Variants in CCDC88A observed in about 807,000 individuals in gnomAD.
CCDC88A encodes girdin.
CCDC88A carries 54 observed loss-of-function variants against 234.3 expected under a neutral mutation model. That is an observed-to-expected ratio of 0.23 (90% CI 0.19 to 0.29). The LOEUF (loss-of-function observed/expected upper bound fraction) is 0.29, where lower values mean the gene tolerates loss of function less well. Among genes scored for constraint, CCDC88A ranks in the 10% least tolerant of loss-of-function variants. The pLI, the probability that CCDC88A is intolerant of heterozygous loss-of-function variation, is 1.00. For missense variants in CCDC88A, 1,832 were observed against 2,123.4 expected, an observed-to-expected ratio of 0.86 and a Z score of 2.70; for synonymous variants, 753 against 737.8, an observed-to-expected ratio of 1.02 and a Z score of -0.33.
chr2:55,356,677 C>T (rs1347295301), intron 7 of CCDC88A: 1 of 152,112 alleles, frequency 6.6e-6, no homozygotes, highest in Non-Finnish European at 1.5e-5. Context: ...CACCTGTAAT[C>T]CCAGCACTTA....
chr2:55,399,349 AC>A (rs1678197640), intron 2 of CCDC88A, among the ~76,000 whole-genome samples: 1 of 151,862 alleles, frequency 6.6e-6, no homozygotes, highest in South Asian at 2.1e-4. Flanking sequence ...AGATGGTGAA[AC>A]CCCGTCTCTA....
At chr2:55,349,459 A>G in intron 9 of CCDC88A, 59 bp downstream of exon 9, 1 of 1,212,946 alleles carries the variant, frequency 8.2e-7, no homozygotes. Context: ...AATTACAAGG[A>G]AGAAAATCAA....
intron 2 of CCDC88A, among the ~76,000 whole-genome samples, chr2:55,415,728 T>C (rs952114598): frequency 2.0e-5 from 3 of 152,112 alleles, no homozygotes; most frequent in South Asian, 2.1e-4. Context: ...TACCCAAAGA[T>C]AGTGAAAGAA....
chr2:55,355,788 A>C, intron 7 of CCDC88A, 37 bp from the exon 8 acceptor site: 1 of 1,540,042 alleles, frequency 6.5e-7, no homozygotes, highest in Non-Finnish European at 9.0e-7. Flanking sequence ...AGTATTCTAC[A>C]TATTAGCAAA....
intron 13 of CCDC88A, 150 bp from the exon 14 acceptor site, chr2:55,336,968 C>A: frequency 2.0e-6 from 1 of 511,534 alleles, no homozygotes; most frequent in Non-Finnish European, 3.4e-6. Context: ...ATTCAAGTAG[C>A]ATTCCATGCT....
At chr2:55,368,386 A>AT (rs931782792) in intron 5 of CCDC88A, among the ~76,000 whole-genome samples, 2 of 151,786 alleles carry the variant, frequency 1.3e-5, no homozygotes, top group Admixed American at 6.6e-5. Context: ...TAAGAATTTC[A>AT]TTTTTTTTCT....
At chr2:55,341,046 A>T (rs1040096096) in intron 12 of CCDC88A, among the ~76,000 whole-genome samples, 3 of 151,766 alleles carry the variant, frequency 2.0e-5, no homozygotes, top group African/African-American at 7.3e-5. Flanking sequence ...TATAAATGAG[A>T]TCATGCACTA....
chr2:55,375,564 G>C (rs1673544735), intron 3 of CCDC88A, among the ~76,000 whole-genome samples: 1 of 146,914 alleles, frequency 6.8e-6, no homozygotes, highest in African/African-American at 2.5e-5. Flanking sequence ...GTCTCGCTCT[G>C]TCAGCCTGGC....
intron 17 of CCDC88A, among the ~76,000 whole-genome samples, chr2:55,326,626 G>A (rs1249735224): frequency 1.3e-5 from 2 of 152,092 alleles, no homozygotes; most frequent in East Asian, 3.9e-4. Flanking sequence ...GCAGTGGCAG[G>A]ATGTCAGCTC....
chr2:55,303,269 C>T (rs1681110126), intron 25 of CCDC88A, 117 bp from the exon 26 acceptor site: 1 of 694,730 alleles, frequency 1.4e-6, no homozygotes, highest in Admixed American at 2.1e-5. Context: ...TGAGTTTTAG[C>T]TATGTATGCT....
intron 3 of CCDC88A, among the ~76,000 whole-genome samples, chr2:55,377,970 A>G (rs1204851085): frequency 6.6e-6 from 1 of 152,182 alleles, no homozygotes; most frequent in Non-Finnish European, 1.5e-5. Context: ...GATGTTAGAG[A>G]TAAAACTCAT....
intron 2 of CCDC88A, among the ~76,000 whole-genome samples, chr2:55,396,869 CAAAAAAAA>C (rs34500780): frequency 1.7e-5 from 1 of 58,872 alleles, no homozygotes; most frequent in African/African-American, 6.7e-5. Context: ...GACTCCATCT[CAAAAAAAA>C]AAAAAAAAAA....
In CCDC88A at chr2:55,291,689, T is replaced by A. The variant is rs1558609538; in HGVS notation, c.*22A>T. 6.6e-7 allele frequency: 1 copy of A among 1,507,414 alleles called. No homozygotes were observed. The highest frequency in any genetic ancestry group is 9.1e-7 in the Non-Finnish European group (1 of 1,092,970). 93.4% of individuals were successfully genotyped at this position (1,507,414 alleles called of 1,614,324 possible). On this transcript the variant is annotated 3_prime_UTR_variant, in exon 32 of 33. Coordinates refer to ENST00000436346, the MANE Select transcript of CCDC88A (RefSeq NM_001365480.1). Reference sequence around the variant, plus strand: ...CAGGAAACTCACCACTTGGCCCACATGTCATGTAGTGGGTAATAGAATTAG... The same window carrying A: ...CAGGAAACTCACCACTTGGCCCACAAGTCATGTAGTGGGTAATAGAATTAG...
At chr2:55,310,039 A>T (rs2104599627) in intron 23 of CCDC88A, among the ~76,000 whole-genome samples, 1 of 152,326 alleles carries the variant, frequency 6.6e-6, no homozygotes, top group Middle Eastern at 3.4e-3. Context: ...GAAAAAGGCC[A>T]TTATTAGATA....
intron 17 of CCDC88A, among the ~76,000 whole-genome samples, chr2:55,325,153 G>C (rs183300637): frequency 7.5e-4 from 114 of 152,250 alleles, no homozygotes; most frequent in African/African-American, 2.7e-3. Flanking sequence ...GATCAATCTG[G>C]GGAAATCTGC....
At chr2:55,307,607 G>C (rs915554624) in intron 25 of CCDC88A, among the ~76,000 whole-genome samples, 1 of 151,858 alleles carries the variant, frequency 6.6e-6, no homozygotes, top group Non-Finnish European at 1.5e-5. Flanking sequence ...CGCCCGCCTC[G>C]CCATCCAAAG....
rs186343464 is a variant in CCDC88A at position 55,303,660 on chromosome 2, C to T, written c.4388-508G>A. Among the ~76,000 whole-genome samples the T allele has an allele frequency of 3.4e-3, 513 of 152,202 alleles. 1 individual carries two copies. The highest frequency in any genetic ancestry group is 5.4e-3 in the Non-Finnish European group (370 of 68,004). On this transcript the variant is annotated intron_variant, in intron 25 of 32. Coordinates refer to ENST00000436346, the MANE Select transcript of CCDC88A (RefSeq NM_001365480.1). ...CCTCCCAAAGTGCTGGGATTACAGG[C>T]GTGAGCCACCACGCCCGGCCTGAGG...
At chr2:55,293,771 G>C (rs1365764222) in intron 31 of CCDC88A, 1 of 152,158 alleles carries the variant, frequency 6.6e-6, no homozygotes, top group Non-Finnish European at 1.5e-5. Flanking sequence ...TTCTCTGGAA[G>C]TAAATGGATC....
intron 2 of CCDC88A, among the ~76,000 whole-genome samples, chr2:55,393,290 T>TTG (rs1676968208): frequency 3.1e-4 from 2 of 6,490 alleles, no homozygotes; most frequent in Non-Finnish European, 7.6e-4. Flanking sequence ...GTTTTTTGGG[T>TTG]TTTTTTTTTT....
Sources: allele counts gnomAD v4.1 joint callset (sites outside exome capture counted in the v4.1 genomes callset), GRCh38; gene constraint gnomAD v4.1.1; transcripts MANE v1.5; gene names NCBI Gene and HGNC (gene_info 2026-07-23, HGNC 2026-07-21).